Variants in ARHGEF6 observed in about 807,000 individuals in gnomAD.
ARHGEF6 encodes the protein Rac/Cdc42 guanine nucleotide exchange factor 6.
In ARHGEF6, 9 loss-of-function variants were observed where a neutral mutation model predicts 70.3. That is an observed-to-expected ratio of 0.13 (90% CI 0.08 to 0.22). The LOEUF (loss-of-function observed/expected upper bound fraction) is 0.22. Among genes scored for constraint, ARHGEF6 ranks in the 10% least tolerant of loss-of-function variants. ARHGEF6 has a pLI of 1.00. For synonymous variants in ARHGEF6, 201 were observed against 207.8 expected (o/e 0.97, Z 0.28); for missense variants, 470 against 563.0 (o/e 0.83, Z 1.67).
At position 136,706,217 on chromosome X, in the gene ARHGEF6, T is replaced by C. The variant is rs1043358190; in HGVS notation, c.1046+691A>G. Among the ~76,000 whole-genome samples the C allele has an allele frequency of 3.6e-5, 4 of 112,001 alleles. No individual in the cohort carries two copies. In the Admixed American group the frequency reaches 3.8e-4, roughly 11 times the overall value. ...AGGTGTAACACTTATCTAGGTCCCT[T>C]GCAAGGACTCGTATTCTTAAAGGAG... On this transcript the variant is annotated intron_variant, in intron 9 of 21. Transcript: ENST00000250617.
chrX:136,693,492 T>C (rs1283255547), intron 9 of ARHGEF6, among the ~76,000 whole-genome samples: 1 of 112,207 alleles, frequency 8.9e-6, no homozygotes, highest in Admixed American at 9.4e-5. Flanking sequence ...GAACAATCTG[T>C]CTTTTAAATG....
chrX:136,765,518 T>C (rs1014162417), intron 2 of ARHGEF6, among the ~76,000 whole-genome samples: 8 of 111,538 alleles, frequency 7.2e-5, no homozygotes, highest in African/African-American at 2.6e-4. Flanking sequence ...TTTGAAAAAC[T>C]CTCCTCCTGT....
intron 2 of ARHGEF6, among the ~76,000 whole-genome samples, chrX:136,758,037 T>TTC (rs2077227025): frequency 2.5e-5 from 1 of 40,719 alleles, no homozygotes; most frequent in Admixed American, 3.1e-4. Context: ...AATTCTTTTT[T>TTC]TTTTTTTTTT....
At chrX:136,742,273 T>C (rs1251122574) in intron 5 of ARHGEF6, among the ~76,000 whole-genome samples, 1 of 111,243 alleles carries the variant, frequency 9.0e-6, no homozygotes, top group Non-Finnish European at 1.9e-5. Flanking sequence ...AAGCCGAGAT[T>C]GCGCCACTGC....
chrX:136,771,350 T>C (rs749280758), intron 2 of ARHGEF6, among the ~76,000 whole-genome samples: 18 of 112,542 alleles, frequency 1.6e-4, no homozygotes, highest in Non-Finnish European at 2.8e-4. Context: ...AAGCTGATCC[T>C]AAAATTCATA....
intron 2 of ARHGEF6, among the ~76,000 whole-genome samples, chrX:136,772,302 C>CA (rs201690837): frequency 2.2e-3 from 244 of 110,518 alleles, no homozygotes; most frequent in African/African-American, 7.8e-3. Context: ...TTAATGGGTA[C>CA]AAAAAAAATT....
chrX:136,683,017 T>C (rs754964673), intron 12 of ARHGEF6, among the ~76,000 whole-genome samples, 173 bp from the exon 13 acceptor site: 2 of 111,950 alleles, frequency 1.8e-5, no homozygotes, highest in Admixed American at 9.5e-5. Context: ...AGTTGAATTT[T>C]ACTTTGACAT....
At chrX:136,736,236 T>C (rs1225216297) in intron 5 of ARHGEF6, among the ~76,000 whole-genome samples, 1 of 111,827 alleles carries the variant, frequency 8.9e-6, no homozygotes, top group Non-Finnish European at 1.9e-5. Flanking sequence ...GATGTATAAA[T>C]AACAAGTTAA....
intron 6 of ARHGEF6, among the ~76,000 whole-genome samples, chrX:136,717,137 T>C (rs2076744661): frequency 9.0e-6 from 1 of 111,637 alleles, no homozygotes; most frequent in Admixed American, 9.5e-5. Context: ...CCAAGTAGGA[T>C]AAATGCAAAA....
At chrX:136,677,990 C>T (rs765922194) in intron 16 of ARHGEF6, 34 bp from the exon 17 acceptor site, 3 of 1,162,145 alleles carry the variant, frequency 2.6e-6, no homozygotes, top group Non-Finnish European at 3.5e-6. Flanking sequence ...AGAAGATGAG[C>T]GTGAGAGGTC....
At chrX:136,708,798 T>C in intron 7 of ARHGEF6, 28 bp from the exon 8 acceptor site, 1 of 1,072,901 alleles carries the variant, frequency 9.3e-7, no homozygotes, top group Non-Finnish European at 1.3e-6. Flanking sequence ...TACATGTAGT[T>C]ATCTATTGTA....
intron 5 of ARHGEF6, among the ~76,000 whole-genome samples, chrX:136,734,746 T>A (rs1232646402): frequency 8.9e-6 from 1 of 111,870 alleles, no homozygotes; most frequent in Admixed American, 9.4e-5. Context: ...CAAAAAAATT[T>A]ACAAAATATT....
chrX:136,681,554 A>C (rs915973914), intron 14 of ARHGEF6, among the ~76,000 whole-genome samples: 10 of 112,565 alleles, frequency 8.9e-5, no homozygotes, highest in Non-Finnish European at 3.7e-5. Flanking sequence ...ATAAAAGTCC[A>C]TATCTTTGGC....
intron 5 of ARHGEF6, among the ~76,000 whole-genome samples, chrX:136,741,120 CACA>C (rs1443948187): frequency 9.0e-6 from 1 of 111,531 alleles, no homozygotes; most frequent in African/African-American, 3.3e-5. Flanking sequence ...CAACATAGAA[CACA>C]GAAAAGTGTG....
chrX:136,770,157 A>G (rs1190872599), intron 2 of ARHGEF6, among the ~76,000 whole-genome samples: 2 of 112,400 alleles, frequency 1.8e-5, no homozygotes, highest in African/African-American at 6.5e-5. Context: ...GTGAAGAAAG[A>G]TCCTTCAAGA....
At chrX:136,736,618 G>GGTGT (rs1556295145) in intron 5 of ARHGEF6, among the ~76,000 whole-genome samples, 305 of 103,727 alleles carry the variant, frequency 2.9e-3, no homozygotes, top group East Asian at 6.0e-3. Flanking sequence ...GTTAAAAAGA[G>GGTGT]GTGTGTGTGT....
intron 6 of ARHGEF6, among the ~76,000 whole-genome samples, chrX:136,717,213 A>C (rs1222444692): frequency 8.9e-6 from 1 of 112,076 alleles, no homozygotes; most frequent in Non-Finnish European, 1.9e-5. Context: ...GTATTGAAAG[A>C]AGCCATGGGA....
intron 9 of ARHGEF6, 97 bp from the exon 10 acceptor site, chrX:136,690,845 G>T: frequency 1.0e-6 from 1 of 999,117 alleles, no homozygotes; most frequent in Non-Finnish European, 1.4e-6. Context: ...ACAATATAAA[G>T]CCAAATAAAA....
intron 6 of ARHGEF6, among the ~76,000 whole-genome samples, chrX:136,723,520 A>AT (rs982282917): frequency 9.0e-6 from 1 of 111,419 alleles, no homozygotes; most frequent in East Asian, 2.8e-4. Context: ...ACTGATATTC[A>AT]TTTTTTTTAA....
Sources: allele counts gnomAD v4.1 joint callset (sites outside exome capture counted in the v4.1 genomes callset), GRCh38; gene constraint gnomAD v4.1.1; transcripts MANE v1.5; gene names NCBI Gene and HGNC (gene_info 2026-07-23, HGNC 2026-07-21).